Variants in HYDIN observed in about 807,000 individuals in gnomAD.
The protein encoded by HYDIN is axonemal central pair apparatus protein HYDIN.
A neutral mutation model predicts 403.9 loss-of-function variants in HYDIN; 132 were observed. The observed-to-expected ratio is 0.33, with a 90% confidence interval of 0.28 to 0.38. The LOEUF (loss-of-function observed/expected upper bound fraction) is 0.38. HYDIN is among the 10% of genes least tolerant of loss of function. The pLI is 1.00. For missense variants in HYDIN, 2,827 were observed against 5,009.5 expected (o/e 0.56, Z 13.15); for synonymous variants, 1,202 against 1,891.7 (o/e 0.64, Z 9.46).
chr16:71,098,138 G>T (rs2083329243), intron 10 of HYDIN, among the ~76,000 whole-genome samples: 1 of 151,838 alleles, frequency 6.6e-6, no homozygotes, highest in African/African-American at 2.4e-5. Context: ...CCCTGGAAAA[G>T]AGGGTCCTCT....
chr16:70,992,180 A>G lies in HYDIN; in HGVS notation c.3675T>C (p.Ser1225=), dbSNP rs2079377473. 4 of 1,604,302 alleles carry G rather than the reference A, an allele frequency of 2.5e-6. No individual in the cohort carries two copies. Among genetic ancestry groups the G allele is most frequent in the African/African-American group, 1.3e-5 (1 of 74,168 alleles). The change falls in exon 24 of 86, where the codon AGT becomes AGC. Residue 1225 remains serine (S), a synonymous_variant. Transcript: ENST00000393567. ...RFVTLPKKPY[S]APVSQMESIP... Reference sequence around the variant, plus strand: ...TGGACTCCATCTGGGACACTGGGGCACTGTAGGGCTTCTTCGGCAATGTCA... The same window carrying G: ...TGGACTCCATCTGGGACACTGGGGCGCTGTAGGGCTTCTTCGGCAATGTCA...
In HYDIN at chr16:71,137,006, T is replaced by A. The variant is rs1426839081; in HGVS notation, c.1043+145A>T. 8 of 584,982 alleles carry A rather than the reference T, an allele frequency of 1.4e-5. No individual in the cohort carries two copies. In the East Asian group the frequency reaches 2.6e-4, roughly 19 times the overall value. The allele number at this position is 584,982 out of a possible 1,614,324, so 36.2% of individuals were successfully genotyped here. A position where few individuals can be genotyped will look rare whatever the true frequency, so the allele number is the denominator to read the frequency against. The stretch of plus-strand genomic sequence containing the variant: ...TCAAATGAGCAGCTTCAAAAGAGGA[T>A]CTTAAACCAGAACCAAGTTAGAAAA... On this transcript the variant is annotated intron_variant, in intron 8 of 85. Coordinates refer to ENST00000393567, the MANE Select transcript of HYDIN (RefSeq NM_001270974.2).
At chr16:71,226,989 T>C (rs1168928358) in intron 1 of HYDIN, among the ~76,000 whole-genome samples, 2 of 152,204 alleles carry the variant, frequency 1.3e-5, no homozygotes, top group African/African-American at 4.8e-5. Flanking sequence ...GTTCCAGTGA[T>C]TGGCTTTCTG....
intron 60 of HYDIN, among the ~76,000 whole-genome samples, chr16:70,882,129 T>A (rs1467926392): frequency 2.0e-5 from 3 of 152,374 alleles, no homozygotes; most frequent in Admixed American, 1.3e-4. Context: ...AGGATTTAGC[T>A]TTTTAAGCCT....
intron 43 of HYDIN, among the ~76,000 whole-genome samples, chr16:70,940,305 C>G (rs1489533597): frequency 2.6e-5 from 4 of 151,346 alleles, no homozygotes; most frequent in African/African-American, 9.7e-5. Flanking sequence ...CAAGTTTGAG[C>G]TGTGGACTCA....
rs1410988872 is a variant in HYDIN, at chr16:70,921,601, C to T, written c.7159-384G>A. On this transcript the variant is annotated intron_variant, in intron 45 of 85. Coordinates refer to ENST00000393567, the MANE Select transcript of HYDIN (RefSeq NM_001270974.2). Reference sequence around the variant, plus strand: ...GGCCACAGCGTGTAGTGGTCCAATCCCAGCTGCACTGCTTGGTAGCTGTGA... The same window carrying T: ...GGCCACAGCGTGTAGTGGTCCAATCTCAGCTGCACTGCTTGGTAGCTGTGA... Among the ~76,000 whole-genome samples the T allele has an allele frequency of 3.3e-5, 5 of 152,148 alleles. No individual in the cohort carries two copies. In the East Asian group the frequency reaches 5.8e-4, roughly 18 times the overall value.
At chr16:70,947,750 G>A (rs2077921483) in intron 41 of HYDIN, among the ~76,000 whole-genome samples, 1 of 152,050 alleles carries the variant, frequency 6.6e-6, no homozygotes, top group African/African-American at 2.4e-5. Context: ...ACCTTACAAG[G>A]GACGTGAAGG....
chr16:71,003,718 G>A (rs1597512892), intron 23 of HYDIN, among the ~76,000 whole-genome samples: 1 of 151,538 alleles, frequency 6.6e-6, no homozygotes, highest in East Asian at 1.9e-4. Context: ...AGAATTGCTA[G>A]AACCCAGGAG....
At chr16:70,874,660 T>C (rs914338548) in intron 63 of HYDIN, 68 bp from the exon 64 acceptor site, 1 of 710,654 alleles carries the variant, frequency 1.4e-6, no homozygotes, top group Non-Finnish European at 2.2e-6. Context: ...TAAAGACCCC[T>C]GTTGAAGGGA....
At chr16:70,981,239 A>C in intron 29 of HYDIN, 152 bp downstream of exon 29, 1 of 1,245,692 alleles carries the variant, frequency 8.0e-7, no homozygotes, top group Non-Finnish European at 1.1e-6. Context: ...CAGTAAACTC[A>C]GGTCACCAAT....
chr16:70,981,472 G>A lies in HYDIN; in HGVS notation c.4429C>T (p.His1477Tyr), dbSNP rs759147075. The A allele has an allele frequency of 3.1e-6, 5 of 1,613,814 alleles. No individual in the cohort carries two copies. The African/African-American group carries it at 6.7e-5, about 22-fold the overall frequency. Residue 1477 changes from histidine (H) to tyrosine (Y), a missense_variant, in exon 29 of 86, where the codon CAC becomes TAC. His to Tyr is a moderately conservative substitution (Grantham distance 83). Coordinates refer to ENST00000393567, the MANE Select transcript of HYDIN (RefSeq NM_001270974.2). ...AGAGTGATATTTTCTGGGTCCAGGT[G>A]GGCGATCTGTATCTGGAAACTCCTT... ...FKRSFQIQIAHLDPENITLSG... is the reference protein window; with the variant it reads ...FKRSFQIQIAYLDPENITLSG...
intron 84 of HYDIN, among the ~76,000 whole-genome samples, chr16:70,813,069 C>A (rs1015492673): frequency 6.6e-6 from 1 of 151,418 alleles, no homozygotes; most frequent in Admixed American, 6.6e-5. Flanking sequence ...TCACTTGCCT[C>A]ACCCTCCTGA....
In HYDIN at chr16:70,988,391, ACTT is replaced by A; in HGVS notation, c.3983_3984+1del. The A allele has an allele frequency of 7.4e-6, 1 of 134,562 alleles. No homozygotes were observed. The highest frequency in any genetic ancestry group is 1.1e-5 in the Non-Finnish European group (1 of 90,786). The allele number at this position is 134,562 out of a possible 1,614,324, so 8.3% of individuals were successfully genotyped here. A position where few individuals can be genotyped will look rare whatever the true frequency, so the allele number is the denominator to read the frequency against. The stretch of plus-strand genomic sequence containing the variant: ...GGTCAGGAATCACACGGTGTCACTT[ACTT>A]CTTCTATCCCAATGGAAAGCATCTC... On this transcript the variant is annotated splice_donor_variant and coding_sequence_variant, in exon 26 of 86. Coordinates refer to ENST00000393567, the MANE Select transcript of HYDIN (RefSeq NM_001270974.2). LOFTEE classifies it high-confidence loss of function.
chr16:70,990,162 G>A (rs993986618), intron 25 of HYDIN, among the ~76,000 whole-genome samples: 2 of 151,890 alleles, frequency 1.3e-5, no homozygotes, highest in African/African-American at 2.4e-5. Flanking sequence ...TTGGGAGGCT[G>A]AGGCAGGTGG....
intron 45 of HYDIN, among the ~76,000 whole-genome samples, chr16:70,922,838 G>C (rs2077036329): frequency 7.6e-6 from 1 of 131,346 alleles, no homozygotes; most frequent in African/African-American, 3.0e-5. Context: ...TATGATCACA[G>C]CTTACTGTGG....
intron 47 of HYDIN, 130 bp from the exon 48 acceptor site, chr16:70,908,991 G>T: frequency 1.1e-6 from 1 of 870,348 alleles, no homozygotes. Flanking sequence ...AGCAGGGCAG[G>T]GTCTAGTCTT....
intron 21 of HYDIN, among the ~76,000 whole-genome samples, chr16:71,021,558 C>T (rs939948206): frequency 2.0e-5 from 3 of 152,042 alleles, no homozygotes; most frequent in Admixed American, 6.6e-5. Context: ...AAATGAATCT[C>T]GAGTTGAGAG....
intron 45 of HYDIN, 63 bp from the exon 46 acceptor site, chr16:70,921,280 A>C: frequency 6.5e-7 from 1 of 1,529,648 alleles, no homozygotes; most frequent in Non-Finnish European, 8.7e-7. Context: ...AAATTGCATA[A>C]GGAGGAGCAA....
intron 1 of HYDIN, among the ~76,000 whole-genome samples, chr16:71,212,755 T>A (rs1283434570): frequency 2.0e-5 from 3 of 152,064 alleles, no homozygotes; most frequent in Admixed American, 2.0e-4. Context: ...AGAAGAGAGA[T>A]AATGAGTCAG....
Sources: allele counts gnomAD v4.1 joint callset (sites outside exome capture counted in the v4.1 genomes callset), GRCh38; gene constraint gnomAD v4.1.1; transcripts MANE v1.5; gene names NCBI Gene and HGNC (gene_info 2026-07-23, HGNC 2026-07-21).